The following CTTNBP2 variants were observed in gnomAD, a reference collection of about 807,000 sequenced individuals.
CTTNBP2 encodes cortactin-binding protein 2.
CTTNBP2 carries 108 observed loss-of-function variants against 156.9 expected under a neutral mutation model. The observed-to-expected ratio is 0.69, with a 90% CI of 0.59 to 0.81. The LOEUF is 0.81. Among genes scored for constraint, CTTNBP2 ranks in the 30% least tolerant of loss-of-function variants. The probability of loss-of-function intolerance (pLI) is 0.00; values close to 1 mark genes in which losing one functional copy is unlikely to be tolerated. For missense variants in CTTNBP2, 1,924 were observed against 2,035.4 expected, an observed-to-expected ratio of 0.95 and a Z score of 1.05; for synonymous variants, 767 against 751.8, an observed-to-expected ratio of 1.02 and a Z score of -0.33.
chr7:117,783,958 A>G (rs1194047230), intron 5 of CTTNBP2, among the ~76,000 whole-genome samples: 7 of 152,086 alleles, frequency 4.6e-5, no homozygotes, highest in African/African-American at 1.7e-4. Context: ...TGATAATTAG[A>G]CTTTCTCATA....
At chr7:117,781,631 G>A (rs538241632) in intron 6 of CTTNBP2, among the ~76,000 whole-genome samples, 13 of 152,296 alleles carry the variant, frequency 8.5e-5, no homozygotes, top group African/African-American at 1.9e-4. Context: ...CCAGCTACTC[G>A]GGAGGCCGAG....
intron 16 of CTTNBP2, 105 bp from the exon 17 acceptor site, chr7:117,728,372 C>T (rs1795221041): frequency 3.6e-6 from 3 of 822,384 alleles, no homozygotes; most frequent in Non-Finnish European, 5.8e-6. Flanking sequence ...TGAAAAGTAG[C>T]TGAATCTTAT....
intron 2 of CTTNBP2, among the ~76,000 whole-genome samples, chr7:117,832,540 T>G (rs1348825852): frequency 6.6e-6 from 1 of 152,064 alleles, no homozygotes; most frequent in Admixed American, 6.5e-5. Context: ...CTCTCATTTT[T>G]TTTTTACATA....
chr7:117,750,552 T>TA (rs1404479663), intron 12 of CTTNBP2, among the ~76,000 whole-genome samples: 1 of 152,210 alleles, frequency 6.6e-6, no homozygotes, highest in East Asian at 1.9e-4. Context: ...TTTCAGGTAT[T>TA]ACCAATTTTT....
At chr7:117,753,200 G>T (rs1026256245) in intron 12 of CTTNBP2, among the ~76,000 whole-genome samples, 1 of 152,144 alleles carries the variant, frequency 6.6e-6, no homozygotes, top group African/African-American at 2.4e-5. Context: ...AAACCACAAT[G>T]AGATACCATC....
Position 117,792,660 on chromosome 7 carries a change from T to C in CTTNBP2, c.536A>G (p.Lys179Arg), listed in dbSNP as rs775269387. 3 of 1,614,118 alleles carry C rather than the reference T, an allele frequency of 1.9e-6. No homozygotes were observed. The highest frequency in any genetic ancestry group is 1.1e-5 in the South Asian group (1 of 91,084). The change falls in exon 4 of 23, where the codon AAG (lysine) becomes AGG (arginine). Residue 179 changes from lysine to arginine, a missense_variant. Coordinates refer to ENST00000160373, the MANE Select transcript of CTTNBP2 (RefSeq NM_033427.3). This position sits in a 1 kb window ranked among gnomAD's most constrained non-coding sequence, Gnocchi z 4.2. ...CTCTATGACTTTGCCTGAGAGCTGC[T>C]TGCACTCTTTGACCAGCATCAGGAC... The part of the protein sequence containing the change: ...QVVLMLVKEC[K>R]QLSGKVIEEA...
intron 1 of CTTNBP2, among the ~76,000 whole-genome samples, chr7:117,865,671 CAAAAAAAAAAA>C (rs61533705): frequency 2.7e-5 from 2 of 74,520 alleles, no homozygotes; most frequent in Non-Finnish European, 5.1e-5. Context: ...ACTCCATCTC[CAAAAAAAAAAA>C]AAAAAAAAGA....
At chr7:117,731,996 T>G (rs1749788428) in intron 16 of CTTNBP2, among the ~76,000 whole-genome samples, 1 of 152,232 alleles carries the variant, frequency 6.6e-6, no homozygotes, top group African/African-American at 2.4e-5. Flanking sequence ...TCAAAAAAGT[T>G]TTTTTAACTT....
rs757363473 is a variant in CTTNBP2 at position 117,735,424 on chromosome 7, A to C, written c.3536-3T>G. 1.3e-6 allele frequency: 2 copies of C among 1,586,532 alleles called. No individual in the cohort carries two copies. Among genetic ancestry groups the C allele is most frequent in the Non-Finnish European group, 8.5e-7 (1 of 1,172,704 alleles). On this transcript the variant is annotated splice_polypyrimidine_tract_variant and splice_region_variant and intron_variant, in intron 14 of 22. Transcript: ENST00000160373. ...TTGTTTCACTGGGATCAGACAAGCTATAATAAAAAAGGAAATTCAGTGATT... is the reference window on the plus strand; with the variant it reads ...TTGTTTCACTGGGATCAGACAAGCTCTAATAAAAAAGGAAATTCAGTGATT...
chr7:117,871,955 C>G, intron 1 of CTTNBP2: 1 of 985,218 alleles, frequency 1.0e-6, no homozygotes, highest in Non-Finnish European at 1.2e-6. Flanking sequence ...GCCAGAGAGC[C>G]TTGTCTCAAT....
chr7:117,800,511 T>C (rs1471670518), intron 3 of CTTNBP2, among the ~76,000 whole-genome samples: 1 of 152,152 alleles, frequency 6.6e-6, no homozygotes, highest in Non-Finnish European at 1.5e-5. Flanking sequence ...CTGTAAACTT[T>C]TCCTTAAGAA....
In CTTNBP2 at chr7:117,792,811, T is replaced by G. The variant is rs1301023023; in HGVS notation, c.415-30A>C. On this transcript the variant is annotated intron_variant, in intron 3 of 22. Coordinates refer to ENST00000160373, the MANE Select transcript of CTTNBP2 (RefSeq NM_033427.3). The surrounding 1 kb of genome is among the most constrained non-coding windows in gnomAD (Gnocchi z 4.2). The stretch of plus-strand genomic sequence containing the variant: ...AAGAAATTCACAGGAAAACCCTGAT[T>G]AATATACAGAATTTTCTTTTCACCA... The G allele has an allele frequency of 2.1e-6, 3 of 1,424,892 alleles. No individual in the cohort carries two copies. In the African/African-American group the frequency reaches 4.3e-5, roughly 20 times the overall value. The allele number at this position is 1,424,892 out of a possible 1,614,324, so 88.3% of individuals were successfully genotyped here.
At chr7:117,728,297 G>A (rs1005314033) in intron 16 of CTTNBP2, 30 bp from the exon 17 acceptor site, 1 of 1,546,972 alleles carries the variant, frequency 6.5e-7, no homozygotes, top group Non-Finnish European at 8.8e-7. Context: ...GAACCCAGGG[G>A]CTTGGTTTAG....
intron 14 of CTTNBP2, among the ~76,000 whole-genome samples, chr7:117,745,100 T>C (rs967750492): frequency 6.6e-6 from 1 of 152,220 alleles, no homozygotes; most frequent in Non-Finnish European, 1.5e-5. Flanking sequence ...CAATGCAGGG[T>C]TATGCTAATT....
intron 2 of CTTNBP2, among the ~76,000 whole-genome samples, chr7:117,859,112 C>A (rs1803533445): frequency 6.6e-6 from 1 of 152,132 alleles, no homozygotes; most frequent in African/African-American, 2.4e-5. Context: ...TAATTTTTAA[C>A]AGAACCTACT....
intron 3 of CTTNBP2, among the ~76,000 whole-genome samples, chr7:117,809,750 A>C (rs1800154764): frequency 6.6e-6 from 1 of 152,242 alleles, no homozygotes; most frequent in Non-Finnish European, 1.5e-5. Context: ...ACACGCATGA[A>C]ATGACAATAT....
chr7:117,753,146 GA>G (rs890364316), intron 12 of CTTNBP2, among the ~76,000 whole-genome samples: 1 of 152,024 alleles, frequency 6.6e-6, no homozygotes, highest in Non-Finnish European at 1.5e-5. Context: ...GCCAACACAT[GA>G]AAAAAAGCTC....
chr7:117,832,280 A>T (rs1026573816), intron 2 of CTTNBP2, among the ~76,000 whole-genome samples: 3 of 151,872 alleles, frequency 2.0e-5, no homozygotes, highest in Non-Finnish European at 4.4e-5. Flanking sequence ...CCACCATGCA[A>T]CTCTATCCCT....
intron 14 of CTTNBP2, among the ~76,000 whole-genome samples, chr7:117,744,907 T>C (rs1453425410): frequency 1.3e-5 from 2 of 152,166 alleles, no homozygotes; most frequent in Non-Finnish European, 2.9e-5. Flanking sequence ...CCACAAGATA[T>C]AGAAGCACCC....
Sources: allele counts gnomAD v4.1 joint callset (sites outside exome capture counted in the v4.1 genomes callset), GRCh38; gene constraint gnomAD v4.1.1; non-coding constraint Gnocchi (gnomAD v3.1); transcripts MANE v1.5; gene names NCBI Gene and HGNC (gene_info 2026-07-23, HGNC 2026-07-21).